Variants in TMCC2 observed in about 807,000 individuals in gnomAD.
TMCC2 encodes transmembrane and coiled-coil domains protein 2.
Under a neutral mutation model 49.4 loss-of-function variants are expected in TMCC2, and 16 were observed. The observed-to-expected ratio is 0.32, with a 90% CI of 0.22 to 0.49. TMCC2 has a LOEUF of 0.49. Ranked by LOEUF, TMCC2 falls within the 20% of genes least tolerant of loss-of-function variation. The pLI, the probability that TMCC2 is intolerant of heterozygous loss-of-function variation, is 0.99. For synonymous variants in TMCC2, 397 were observed against 434.1 expected (o/e 0.91, Z 1.06); for missense variants, 762 against 989.8 (o/e 0.77, Z 3.09).
rs193222144 is a variant in TMCC2, at chr1:205,229,062, G to A, written c.207+291G>A. 36 of 1,253,604 alleles carry A rather than the reference G, an allele frequency of 2.9e-5. No individual in the cohort carries two copies. The East Asian group carries it at 1.2e-3, about 44-fold the overall frequency. The allele number at this position is 1,253,604 out of a possible 1,614,324, so 77.7% of individuals were successfully genotyped here. Reference sequence around the variant, plus strand: ...GTGTGAAGTGTTATTCGCAGACAAAGGGCTGGAGAAATCCAAGATGCTAAC... The same window carrying A: ...GTGTGAAGTGTTATTCGCAGACAAAAGGCTGGAGAAATCCAAGATGCTAAC... On this transcript the variant is annotated intron_variant, in intron 1 of 4. Transcript: ENST00000358024.
In TMCC2 at chr1:205,228,585, C is replaced by G; in HGVS notation, c.21C>G (p.Asp7Glu). 1 of 1,610,722 alleles carries G rather than the reference C, an allele frequency of 6.2e-7. No individual in the cohort carries two copies. Among genetic ancestry groups the G allele is most frequent in the Non-Finnish European group, 8.5e-7 (1 of 1,177,976 alleles). The change falls in exon 1 of 5, where the codon GAC (aspartate) becomes GAG (glutamate). Residue 7 changes from aspartate (D) to glutamate (E), a missense_variant. Physicochemically the swap from Asp to Glu is conservative, Grantham distance 45 (BLOSUM62 2). Transcript: ENST00000358024. MKRCRS[D>E]ELQQQQGEED... ...ACACCATGAAGAGGTGCAGATCGGA[C>G]GAGCTGCAGCAACAACAGGGCGAGG...
intron 1 of TMCC2, chr1:205,230,049 C>T: frequency 1.0e-6 from 1 of 985,434 alleles, no homozygotes; most frequent in Non-Finnish European, 1.2e-6. Flanking sequence ...ACGGAAAGGA[C>T]TCTGTTGCAT....
At position 205,265,185 on chromosome 1, in the gene TMCC2, G is replaced by A. The variant is rs572521898; in HGVS notation, c.748-3765G>A. Reference sequence around the variant, plus strand: ...CCTAGGGTAGAGAAGAGGGGTGGACGAGGGGGCCAGGGCTTCAGCCCAGGC... The same window carrying A: ...CCTAGGGTAGAGAAGAGGGGTGGACAAGGGGGCCAGGGCTTCAGCCCAGGC... On this transcript the variant is annotated intron_variant, in intron 2 of 4. Coordinates refer to ENST00000358024, the MANE Select transcript of TMCC2 (RefSeq NM_014858.4). 2.3e-3 allele frequency among the ~76,000 whole-genome samples: 345 copies of A among 152,296 alleles called. 3 individuals are homozygous for A. The highest frequency in any genetic ancestry group is 8.1e-3 in the African/African-American group (336 of 41,568).
chr1:205,234,315 G>A (rs1185466649), intron 1 of TMCC2, among the ~76,000 whole-genome samples: 2 of 151,954 alleles, frequency 1.3e-5, no homozygotes, highest in East Asian at 1.9e-4. Flanking sequence ...GCATGGTGGC[G>A]GGCACCTGTA....
chr1:205,238,384 T>C (rs1172159), intron 1 of TMCC2, among the ~76,000 whole-genome samples: 40,636 of 152,028 alleles, frequency 0.27, 7,166 homozygotes, highest in Non-Finnish European at 0.39. Flanking sequence ...ACCCCTTCAT[T>C]TGGAGTAATC....
At chr1:205,235,240 T>C (rs895942979) in intron 1 of TMCC2, among the ~76,000 whole-genome samples, 4 of 151,756 alleles carry the variant, frequency 2.6e-5, no homozygotes, top group Non-Finnish European at 5.9e-5. Flanking sequence ...ATGTGGGCTC[T>C]GGGGGAACTG....
In TMCC2 at chr1:205,269,646, G is replaced by T. The variant is rs531333872; in HGVS notation, c.1444G>T (p.Ala482Ser). 3 of 1,613,670 alleles carry T rather than the reference G, an allele frequency of 1.9e-6. No homozygotes were observed. Among genetic ancestry groups the T allele is most frequent in the Non-Finnish European group, 1.7e-6 (2 of 1,179,926 alleles). Reference sequence around the variant, plus strand: ...TGGCAGCGATGATGAGTGCTCCAGCGCCAGCGCCAGCTCAGCCGGGGCAGG... The same window carrying T: ...TGGCAGCGATGATGAGTGCTCCAGCTCCAGCGCCAGCTCAGCCGGGGCAGG... ...KYGSDDECSSASASSAGAGSN... is the reference protein window; with the variant it reads ...KYGSDDECSSSSASSAGAGSN... The change falls in exon 3 of 5, where the codon GCC becomes TCC. Residue 482 changes from alanine to serine, a missense_variant. Physicochemically the swap from Ala to Ser is moderately conservative, Grantham distance 99 (BLOSUM62 1). This residue lies in a region of TMCC2 where 440 missense variants were observed against 636.7 expected (regional missense o/e 0.69). Coordinates refer to ENST00000358024, the MANE Select transcript of TMCC2 (RefSeq NM_014858.4).
chr1:205,249,648 C>T (rs1204413637), intron 2 of TMCC2, among the ~76,000 whole-genome samples: 5 of 152,232 alleles, frequency 3.3e-5, no homozygotes, highest in African/African-American at 4.8e-5. Flanking sequence ...CAGGTACATG[C>T]GCCAGCCTCT....
chr1:205,236,220 G>A (rs1304878120), intron 1 of TMCC2, among the ~76,000 whole-genome samples: 3 of 152,220 alleles, frequency 2.0e-5, no homozygotes, highest in East Asian at 1.9e-4. Context: ...TAAGCCATTT[G>A]TGAAGACATC....
chr1:205,237,293 T>C (rs748578434), intron 1 of TMCC2, among the ~76,000 whole-genome samples: 5 of 152,162 alleles, frequency 3.3e-5, no homozygotes, highest in Non-Finnish European at 7.4e-5. Flanking sequence ...TAGAACTCTG[T>C]GGGTTTTTAC....
At chr1:205,265,710 G>A (rs893461019) in intron 2 of TMCC2, among the ~76,000 whole-genome samples, 68 of 151,506 alleles carry the variant, frequency 4.5e-4, no homozygotes, top group Non-Finnish European at 7.7e-4. Flanking sequence ...ACAGGCGTCC[G>A]CCACCACGCC....
At chr1:205,233,017 C>A (rs573633431) in intron 1 of TMCC2, among the ~76,000 whole-genome samples, 15 of 131,820 alleles carry the variant, frequency 1.1e-4, no homozygotes, top group African/African-American at 4.3e-4. Flanking sequence ...AAAACCACAA[C>A]GTGTGGTAGA....
At chr1:205,250,211 C>G in intron 2 of TMCC2, among the ~76,000 whole-genome samples, 1 of 152,174 alleles carries the variant, frequency 6.6e-6, no homozygotes, top group Non-Finnish European at 1.5e-5. Context: ...CTTTATGCAT[C>G]TTTTCCCCAC....
At chr1:205,254,187 A>G (rs1660773339) in intron 2 of TMCC2, among the ~76,000 whole-genome samples, 1 of 152,190 alleles carries the variant, frequency 6.6e-6, no homozygotes, top group Non-Finnish European at 1.5e-5. Context: ...CTGACTCCCA[A>G]GCACTCTGTG....
At chr1:205,248,437 C>T (rs1006735727) in intron 2 of TMCC2, among the ~76,000 whole-genome samples, 4 of 152,142 alleles carry the variant, frequency 2.6e-5, no homozygotes, top group African/African-American at 4.8e-5. Flanking sequence ...ATCTCAGCCT[C>T]GCCATTCTGC....
intron 2 of TMCC2, among the ~76,000 whole-genome samples, chr1:205,265,221 A>G (rs922916805): frequency 6.6e-6 from 1 of 152,124 alleles, no homozygotes; most frequent in Non-Finnish European, 1.5e-5. Flanking sequence ...CTCTGCACCC[A>G]CCATCAGGCC....
chr1:205,241,728 G>A lies in TMCC2; in HGVS notation c.431G>A (p.Arg144Gln). 2.5e-6 allele frequency: 4 copies of A among 1,613,254 alleles called. No homozygotes were observed. Among genetic ancestry groups the A allele is most frequent in the Non-Finnish European group, 2.5e-6 (3 of 1,180,006 alleles). The part of the protein sequence containing the change: ...YAMSLHDLPA[R>Q]PTAFNRVLQQ... ...ATGTCCCTGCACGACCTGCCCGCCC[G>A]GCCCACCGCCTTCAACCGCGTGCTG... Residue 144 changes from arginine (R) to glutamine (Q), a missense_variant, in exon 2 of 5, where the codon CGG becomes CAG. By Grantham distance (43) the Arg-to-Gln change is conservative. Transcript: ENST00000358024. The surrounding 1 kb of genome is among the most constrained non-coding windows in gnomAD (Gnocchi z 7.3).
At chr1:205,248,180 G>A (rs1345787603) in intron 2 of TMCC2, among the ~76,000 whole-genome samples, 11 of 152,188 alleles carry the variant, frequency 7.2e-5, no homozygotes, top group African/African-American at 1.7e-4. Flanking sequence ...GCTGATTTGC[G>A]TGGATCAGTT....
At position 205,241,493 on chromosome 1, in the gene TMCC2, C is replaced by A. The variant is rs1282445297; in HGVS notation, c.208-12C>A. On this transcript the variant is annotated splice_polypyrimidine_tract_variant and intron_variant, in intron 1 of 4. Transcript: ENST00000358024. The surrounding 1 kb of genome is among the most constrained non-coding windows in gnomAD (Gnocchi z 7.3). The stretch of plus-strand genomic sequence containing the variant: ...TTCCACTCACCAGGGTTCTTCATCT[C>A]TCCCCCTTAAGAAAATCCAGCAGCT... The A allele has an allele frequency of 6.2e-7, 1 of 1,612,502 alleles. No individual in the cohort carries two copies. Among genetic ancestry groups the A allele is most frequent in the South Asian group, 1.1e-5 (1 of 90,962 alleles).
Sources: allele counts gnomAD v4.1 joint callset (sites outside exome capture counted in the v4.1 genomes callset), GRCh38; gene constraint gnomAD v4.1.1; regional missense constraint gnomAD v4.1.1; non-coding constraint Gnocchi (gnomAD v3.1); transcripts MANE v1.5; gene names NCBI Gene and HGNC (gene_info 2026-07-23, HGNC 2026-07-21).